Variants in LIN28B observed in about 807,000 individuals in gnomAD.
LIN28B encodes the protein protein lin-28 homolog B.
A neutral mutation model predicts 21.9 loss-of-function variants in LIN28B; 5 were observed. The observed-to-expected ratio is 0.23, with a 90% confidence interval of 0.12 to 0.48. The LOEUF (loss-of-function observed/expected upper bound fraction) is 0.48. LIN28B is among the 20% of genes least tolerant of loss of function. The probability of loss-of-function intolerance (pLI) is 0.98; values close to 1 mark genes in which losing one functional copy is unlikely to be tolerated. For synonymous variants in LIN28B, 109 were observed against 111.3 expected, an observed-to-expected ratio of 0.98 and a Z score of 0.13; for missense variants, 245 against 310.5, an observed-to-expected ratio of 0.79 and a Z score of 1.58.
chr6:105,034,625 G>C (rs1771490667), intron 3 of LIN28B, among the ~76,000 whole-genome samples: 1 of 151,972 alleles, frequency 6.6e-6, no homozygotes. Context: ...TACTAAAATG[G>C]TACATCATGG....
intron 3 of LIN28B, among the ~76,000 whole-genome samples, chr6:105,042,665 T>G (rs1464867044): frequency 2.0e-5 from 3 of 152,096 alleles, no homozygotes; most frequent in Non-Finnish European, 4.4e-5. Flanking sequence ...GTTTCAAAAT[T>G]TGAGATCATG....
Position 105,083,231 on chromosome 6 carries a change from T to C in LIN28B, c.*4448T>C, listed in dbSNP as rs1227289343. 6.6e-6 allele frequency: 1 copy of C among 152,524 alleles called. No individual in the cohort carries two copies. Among genetic ancestry groups the C allele is most frequent in the Non-Finnish European group, 1.5e-5 (1 of 68,042 alleles). The allele number at this position is 152,524 out of a possible 1,614,324, so 9.4% of individuals were successfully genotyped here. ...GCCTTTCTGTACACTCTGGGTTTTA[T>C]ATTCTCATTTCATGCCTAATGTCTT... is the stretch of plus-strand genomic sequence containing the variant. On this transcript the variant is annotated 3_prime_UTR_variant, in exon 4 of 4. Coordinates refer to ENST00000345080, the MANE Select transcript of LIN28B (RefSeq NM_001004317.4).
At chr6:104,973,933 T>C (rs1770029270) in intron 2 of LIN28B, among the ~76,000 whole-genome samples, 1 of 152,220 alleles carries the variant, frequency 6.6e-6, no homozygotes, top group Non-Finnish European at 1.5e-5. Context: ...GTTTTAACAT[T>C]TTTACACACT....
At chr6:104,999,306 A>C (rs1770673550) in intron 2 of LIN28B, among the ~76,000 whole-genome samples, 1 of 151,976 alleles carries the variant, frequency 6.6e-6, no homozygotes, top group African/African-American at 2.4e-5. Context: ...CTTCCAACTG[A>C]TTTTGTGTTT....
At chr6:105,027,359 C>T (rs1771306315) in intron 3 of LIN28B, among the ~76,000 whole-genome samples, 1 of 151,976 alleles carries the variant, frequency 6.6e-6, no homozygotes, top group Non-Finnish European at 1.5e-5. Flanking sequence ...AGATGTAGCT[C>T]ATTGTTTGTT....
intron 3 of LIN28B, among the ~76,000 whole-genome samples, chr6:105,057,407 C>T (rs1432039186): frequency 6.6e-6 from 1 of 152,208 alleles, no homozygotes; most frequent in African/African-American, 2.4e-5. Context: ...TATTTGGCTC[C>T]TACACTTATA....
intron 3 of LIN28B, among the ~76,000 whole-genome samples, chr6:105,069,437 T>G (rs1192199090): frequency 6.6e-6 from 1 of 151,782 alleles, no homozygotes; most frequent in Non-Finnish European, 1.5e-5. Flanking sequence ...TAAGGAGCTG[T>G]AAATTTGCTG....
chr6:105,009,466 C>G (rs995170623), intron 2 of LIN28B, among the ~76,000 whole-genome samples: 1 of 151,764 alleles, frequency 6.6e-6, no homozygotes, highest in Non-Finnish European at 1.5e-5. Context: ...GGGGGGGAGG[C>G]GTGTTATTAT....
chr6:105,038,739 A>G (rs1771574831), intron 3 of LIN28B, among the ~76,000 whole-genome samples: 1 of 152,224 alleles, frequency 6.6e-6, no homozygotes, highest in Admixed American at 6.5e-5. Flanking sequence ...TAAATAATTA[A>G]TATCCAAAAA....
In LIN28B at chr6:104,957,210, T is replaced by G. The variant is rs1362161967; in HGVS notation, c.-41T>G. The G allele has an allele frequency of 5.6e-6, 9 of 1,613,964 alleles. No homozygotes were observed. The highest frequency in any genetic ancestry group is 6.8e-6 in the Non-Finnish European group (8 of 1,179,864). The stretch of plus-strand genomic sequence containing the variant: ...GATCACTCCGTTCCAAAGGGAAAGT[T>G]TTCATCTCACGAGTTTGGAGCTGAG... On this transcript the variant is annotated 5_prime_UTR_variant, in exon 1 of 4. Coordinates refer to ENST00000345080, the MANE Select transcript of LIN28B (RefSeq NM_001004317.4).
intron 3 of LIN28B, among the ~76,000 whole-genome samples, chr6:105,068,367 T>G (rs1355916670): frequency 6.6e-6 from 1 of 152,214 alleles, no homozygotes; most frequent in Non-Finnish European, 1.5e-5. Flanking sequence ...TTGAATCCAC[T>G]AGCAGACAAT....
chr6:105,033,003 A>G (rs894622289), intron 3 of LIN28B, among the ~76,000 whole-genome samples: 8 of 152,104 alleles, frequency 5.3e-5, no homozygotes, highest in African/African-American at 1.7e-4. Flanking sequence ...TGTCGTTTCA[A>G]TCTCTTAAAT....
In LIN28B at chr6:104,957,260, G is replaced by A; in HGVS notation, c.10G>A (p.Gly4Ser). The A allele has an allele frequency of 6.2e-7, 1 of 1,607,858 alleles. No homozygotes were observed. The highest frequency in any genetic ancestry group is 8.5e-7 in the Non-Finnish European group (1 of 1,175,438). MAE[G>S]GASKGGGEEP... ...GGGCCCGTGGGGCAACATGGCCGAAGGTTAATTTTCTTTTCTATTGTTTTA... is the reference window on the plus strand; with the variant it reads ...GGGCCCGTGGGGCAACATGGCCGAAAGTTAATTTTCTTTTCTATTGTTTTA... Residue 4 changes from glycine to serine, a missense_variant and splice_region_variant, in exon 1 of 4, where the codon GGC (glycine) becomes AGC (serine). Gly to Ser is a moderately conservative substitution (Grantham distance 56). Coordinates refer to ENST00000345080, the MANE Select transcript of LIN28B (RefSeq NM_001004317.4).
intron 2 of LIN28B, among the ~76,000 whole-genome samples, chr6:104,981,636 C>T (rs62419609): frequency 0.039 from 6,007 of 152,180 alleles, 125 homozygotes; most frequent in Middle Eastern, 0.078. Context: ...TTTGTAAAGC[C>T]GCTTCCTATT....
intron 3 of LIN28B, among the ~76,000 whole-genome samples, chr6:105,037,499 C>T (rs1305621170): frequency 3.4e-5 from 5 of 148,912 alleles, no homozygotes; most frequent in Middle Eastern, 3.4e-3. Flanking sequence ...CCTCCCCCTC[C>T]TCCCCGCTCC....
intron 3 of LIN28B, among the ~76,000 whole-genome samples, chr6:105,062,885 C>G (rs571948097): frequency 6.6e-6 from 1 of 151,642 alleles, no homozygotes; most frequent in South Asian, 2.1e-4. Context: ...TTTTTCATTT[C>G]TATGTTATTT....
chr6:105,025,639 G>A (rs1771272560), intron 2 of LIN28B, among the ~76,000 whole-genome samples: 2 of 152,048 alleles, frequency 1.3e-5, no homozygotes, highest in Admixed American at 6.6e-5. Flanking sequence ...AAAAACTTTA[G>A]CTGGACTCTG....
At chr6:105,013,931 A>G (rs560346698) in intron 2 of LIN28B, among the ~76,000 whole-genome samples, 9 of 151,918 alleles carry the variant, frequency 5.9e-5, no homozygotes, top group African/African-American at 1.9e-4. Flanking sequence ...CCTGATTTTG[A>G]TAATTTGTGT....
At chr6:105,013,224 TG>T (rs1770959200) in intron 2 of LIN28B, among the ~76,000 whole-genome samples, 1 of 151,970 alleles carries the variant, frequency 6.6e-6, no homozygotes, top group Non-Finnish European at 1.5e-5. Flanking sequence ...TTGGTCAGGC[TG>T]GTTGTGAACT....
Sources: allele counts gnomAD v4.1 joint callset (sites outside exome capture counted in the v4.1 genomes callset), GRCh38; gene constraint gnomAD v4.1.1; transcripts MANE v1.5; gene names NCBI Gene and HGNC (gene_info 2026-07-23, HGNC 2026-07-21).